The following CPNE9 variants were observed in gnomAD, a reference collection of about 807,000 sequenced individuals.
The protein encoded by CPNE9 is copine-9.
A neutral mutation model predicts 83.0 loss-of-function variants in CPNE9; 59 were observed. That is an observed-to-expected ratio of 0.71 (90% confidence interval 0.58 to 0.88). The LOEUF (loss-of-function observed/expected upper bound fraction) is 0.88, where lower values mean the gene tolerates loss of function less well. Ranked by LOEUF, CPNE9 falls within the 40% of genes least tolerant of loss-of-function variation. CPNE9 has a pLI of 0.00. For missense variants in CPNE9, 619 were observed against 720.8 expected, an observed-to-expected ratio of 0.86 and a Z score of 1.62; for synonymous variants, 256 against 273.4, an observed-to-expected ratio of 0.94 and a Z score of 0.63.
rs564725320 is a variant in CPNE9 at position 9,724,590 on chromosome 3, C to G, written c.1242-1359C>G. On this transcript the variant is annotated intron_variant, in intron 17 of 20. Coordinates refer to ENST00000383832, the MANE Select transcript of CPNE9 (RefSeq NM_153635.3). Reference sequence around the variant, plus strand: ...CACACAGGGGAGTTGTTCTTTAGTCCCACTATAGCGCCTTTTTCCTTGCTG... The same window carrying G: ...CACACAGGGGAGTTGTTCTTTAGTCGCACTATAGCGCCTTTTTCCTTGCTG... 7.9e-5 allele frequency among the ~76,000 whole-genome samples: 12 copies of G among 152,250 alleles called. 1 individual carries two copies. In the South Asian group the frequency reaches 2.5e-3, roughly 32 times the overall value.
rs774203405 is a variant in CPNE9 at position 9,726,071 on chromosome 3, C to T, written c.1344+20C>T. ...GTCAGCGTGAGTCTGAGGAGGAGGG[C>T]TTGGCAGGGAGGAGTAATGTCAATA... On this transcript the variant is annotated intron_variant, in intron 18 of 20. Coordinates refer to ENST00000383832, the MANE Select transcript of CPNE9 (RefSeq NM_153635.3). The T allele has an allele frequency of 3.4e-5, 52 of 1,507,260 alleles. No individual in the cohort carries two copies. Among genetic ancestry groups the T allele is most frequent in the Non-Finnish European group, 4.5e-5 (50 of 1,101,014 alleles). 93.4% of individuals were successfully genotyped at this position (1,507,260 alleles called of 1,614,324 possible).
intron 6 of CPNE9, 28 bp from the exon 7 acceptor site, chr3:9,705,959 G>A: frequency 1.9e-6 from 3 of 1,609,642 alleles, no homozygotes; most frequent in Non-Finnish European, 2.5e-6. Context: ...AAGAGCTTCT[G>A]GTCTTGCTGA....
Position 9,718,547 on chromosome 3 carries a change from A to G in CPNE9, c.1186A>G (p.Thr396Ala). Residue 396 changes from threonine (T) to alanine (A), a missense_variant, in exon 17 of 21, where the codon ACA becomes GCA. By Grantham distance (58) the Thr-to-Ala change is moderately conservative. This residue lies in a region of CPNE9 where 438 missense variants were observed against 562.9 expected (regional missense o/e 0.78). Transcript: ENST00000383832. The part of the protein sequence containing the change: ...VLESYFQSLR[T>A]VQLYGPTYFA... The stretch of plus-strand genomic sequence containing the variant: ...GGAGAGCTATTTCCAGAGCCTGCGC[A>G]CAGTGCAGCTCTATGGGCCCACCTA... 1 of 1,613,788 alleles carries G rather than the reference A, an allele frequency of 6.2e-7. No individual in the cohort carries two copies. The highest frequency in any genetic ancestry group is 8.5e-7 in the Non-Finnish European group (1 of 1,179,972).
intron 15 of CPNE9, among the ~76,000 whole-genome samples, chr3:9,717,764 A>G (rs538722213): frequency 3.3e-5 from 5 of 152,192 alleles, no homozygotes; most frequent in Admixed American, 3.3e-4. Context: ...ATAAAGATGT[A>G]TAAGTAGACT....
At chr3:9,715,651 G>C in intron 13 of CPNE9, 125 bp downstream of exon 13, 3 of 814,240 alleles carry the variant, frequency 3.7e-6, no homozygotes, top group Non-Finnish European at 4.1e-6. Flanking sequence ...TAGTAATATT[G>C]GGCACAAGGA....
At chr3:9,710,496 AAAG>A (rs1262051061) in intron 7 of CPNE9, among the ~76,000 whole-genome samples, 2 of 152,156 alleles carry the variant, frequency 1.3e-5, no homozygotes, top group Admixed American at 6.5e-5. Flanking sequence ...GGTTGAGGAG[AAAG>A]AAGGAGTGAA....
At chr3:9,728,357 C>T (rs1036055081) in intron 20 of CPNE9, among the ~76,000 whole-genome samples, 3 of 152,192 alleles carry the variant, frequency 2.0e-5, no homozygotes, top group East Asian at 3.8e-4. Flanking sequence ...GGCGCGGTGG[C>T]TCACGCTTGT....
At chr3:9,720,198 T>C (rs565575303) in intron 17 of CPNE9, among the ~76,000 whole-genome samples, 1 of 151,892 alleles carries the variant, frequency 6.6e-6, no homozygotes, top group Non-Finnish European at 1.5e-5. Flanking sequence ...AAAGATTATT[T>C]GATTGAACAA....
At position 9,715,335 on chromosome 3, in the gene CPNE9, A is replaced by G; in HGVS notation, c.739A>G (p.Lys247Glu). The G allele has an allele frequency of 1.2e-6, 2 of 1,614,218 alleles. No individual in the cohort carries two copies. Among genetic ancestry groups the G allele is most frequent in the Non-Finnish European group, 1.7e-6 (2 of 1,180,030 alleles). ...EFTTSYRELSKAQNQFTVYEV... is the reference protein window; with the variant it reads ...EFTTSYRELSEAQNQFTVYEV... ...CACCACCAGCTACCGGGAGCTGAGCAAGGCCCAGAACCAGTTCACAGTATA... is the reference window on the plus strand; with the variant it reads ...CACCACCAGCTACCGGGAGCTGAGCGAGGCCCAGAACCAGTTCACAGTATA... Residue 247 changes from lysine to glutamate, a missense_variant, in exon 12 of 21, where the codon AAG (lysine) becomes GAG (glutamate). Around this residue, in one of 3 missense-constraint regions of CPNE9, gnomAD observed 438 missense variants for 562.9 expected, o/e 0.78. Transcript: ENST00000383832.
intron 18 of CPNE9, 137 bp from the exon 19 acceptor site, chr3:9,726,528 G>T: frequency 1.5e-6 from 1 of 676,088 alleles, no homozygotes; most frequent in South Asian, 1.9e-5. Context: ...AAAGTAGTCT[G>T]GGGCAGAGAA....
chr3:9,705,368 C>A, intron 4 of CPNE9, 96 bp from the exon 5 acceptor site: 1 of 987,460 alleles, frequency 1.0e-6, no homozygotes, highest in South Asian at 1.5e-5. Context: ...CCGCCCATCC[C>A]TCCACCCAAA....
At chr3:9,726,579 C>T in intron 18 of CPNE9, 86 bp from the exon 19 acceptor site, 1 of 1,006,820 alleles carries the variant, frequency 9.9e-7, no homozygotes. Flanking sequence ...AGAACCATGA[C>T]ACACATACAC....
chr3:9,706,499 T>G (rs145537172), intron 7 of CPNE9, among the ~76,000 whole-genome samples: 110 of 152,296 alleles, frequency 7.2e-4, no homozygotes, highest in African/African-American at 2.3e-3. Flanking sequence ...ACAAACACTA[T>G]GTATACATAC....
intron 16 of CPNE9, 112 bp downstream of exon 16, chr3:9,718,322 A>G: frequency 7.3e-7 from 1 of 1,376,662 alleles, no homozygotes; most frequent in Non-Finnish European, 1.0e-6. Flanking sequence ...ACAGGAAGCT[A>G]TGAGAGGATA....
intron 16 of CPNE9, 41 bp downstream of exon 16, chr3:9,718,251 C>G: frequency 6.5e-7 from 1 of 1,546,768 alleles, no homozygotes; most frequent in Non-Finnish European, 8.8e-7. Context: ...GCCCTGGCAT[C>G]TGGTTCACCC....
At chr3:9,726,801 C>A in intron 19 of CPNE9, 79 bp downstream of exon 19, 3 of 1,285,258 alleles carry the variant, frequency 2.3e-6, no homozygotes, top group Non-Finnish European at 3.4e-6. Context: ...TTGGGCCTGC[C>A]TCACAGATGA....
Position 9,703,978 on chromosome 3 carries a change from T to A in CPNE9, c.-19T>A. On this transcript the variant is annotated 5_prime_UTR_variant, in exon 1 of 21. Coordinates refer to ENST00000383832, the MANE Select transcript of CPNE9 (RefSeq NM_153635.3). ...CCCTGGTCTCGCAGCCTCCTGCGGC[T>A]CTGGTCGCCCGACCAGCCATGTCTC... 3 of 1,591,772 alleles carry A rather than the reference T, an allele frequency of 1.9e-6. No individual in the cohort carries two copies. Among genetic ancestry groups the A allele is most frequent in the Non-Finnish European group, 2.6e-6 (3 of 1,172,642 alleles).
At chr3:9,718,307 G>A (rs2076703721) in intron 16 of CPNE9, 97 bp downstream of exon 16, 2 of 1,404,414 alleles carry the variant, frequency 1.4e-6, no homozygotes, top group Admixed American at 4.3e-5. Flanking sequence ...AGGGCATGTA[G>A]AGGAACAGGA....
At chr3:9,715,421 C>T in intron 12 of CPNE9, 52 bp from the exon 13 acceptor site, 1 of 1,611,922 alleles carries the variant, frequency 6.2e-7, no homozygotes, top group Non-Finnish European at 8.5e-7. Context: ...TGTGCTCAGT[C>T]TGGACCTCCC....
Sources: allele counts gnomAD v4.1 joint callset (sites outside exome capture counted in the v4.1 genomes callset), GRCh38; gene constraint gnomAD v4.1.1; regional missense constraint gnomAD v4.1.1; transcripts MANE v1.5; gene names NCBI Gene and HGNC (gene_info 2026-07-23, HGNC 2026-07-21).